Variants in HCN1 observed in about 807,000 individuals in gnomAD.
HCN1 encodes the protein hyperpolarization activated cyclic nucleotide gated potassium channel 1, also known as potassium/sodium hyperpolarization-activated cyclic nucleotide-gated channel 1.
HCN1 carries 13 observed loss-of-function variants against 78.9 expected under a neutral mutation model. The ratio of observed to expected loss-of-function variants is 0.16; its 90% CI spans 0.11 to 0.26. HCN1 has a LOEUF of 0.26. Ranked by LOEUF, HCN1 falls within the 10% of genes least tolerant of loss-of-function variation. HCN1 has a pLI of 1.00. For missense variants in HCN1, 810 were observed against 1,154.3 expected (o/e 0.70, Z 4.32); for synonymous variants, 552 against 455.5 (o/e 1.21, Z -2.70).
chr5:45,365,758 T>A (rs1747222581), intron 4 of HCN1, among the ~76,000 whole-genome samples: 1 of 151,856 alleles, frequency 6.6e-6, no homozygotes, highest in Admixed American at 6.6e-5. Context: ...TCTTTGAGAA[T>A]CTCCATATCG....
chr5:45,509,836 A>G (rs534991785), intron 2 of HCN1, among the ~76,000 whole-genome samples: 135 of 152,228 alleles, frequency 8.9e-4, no homozygotes, highest in African/African-American at 2.7e-3. Context: ...CAGGCCTCAC[A>G]TGGCCTCGTT....
At chr5:45,384,480 G>A (rs1431502790) in intron 4 of HCN1, among the ~76,000 whole-genome samples, 3 of 152,042 alleles carry the variant, frequency 2.0e-5, no homozygotes, top group African/African-American at 7.2e-5. Flanking sequence ...CAGCACTGCA[G>A]AACATAAATT....
At chr5:45,313,290 C>G (rs1393150962) in intron 5 of HCN1, among the ~76,000 whole-genome samples, 2 of 152,156 alleles carry the variant, frequency 1.3e-5, no homozygotes, top group East Asian at 3.9e-4. Flanking sequence ...CTCCAACAGA[C>G]ATGCAGCTGA....
chr5:45,353,354 A>G, intron 4 of HCN1, 108 bp from the exon 5 acceptor site: 2 of 825,958 alleles, frequency 2.4e-6, no homozygotes, highest in Admixed American at 4.5e-5. Flanking sequence ...TCAGTTACAA[A>G]AAAAAAGAAA....
chr5:45,601,889 T>C (rs1465891297), intron 2 of HCN1, among the ~76,000 whole-genome samples: 1 of 152,062 alleles, frequency 6.6e-6, no homozygotes, highest in Non-Finnish European at 1.5e-5. Flanking sequence ...CCCACCCAAA[T>C]CTCATCTTGA....
At chr5:45,586,465 C>A (rs552898855) in intron 2 of HCN1, among the ~76,000 whole-genome samples, 2 of 152,132 alleles carry the variant, frequency 1.3e-5, no homozygotes, top group Admixed American at 6.5e-5. Flanking sequence ...TGACCCCTTG[C>A]GCTTCCCGGG....
intron 2 of HCN1, among the ~76,000 whole-genome samples, chr5:45,635,236 T>C (rs1745335751): frequency 1.3e-5 from 2 of 152,092 alleles, no homozygotes; most frequent in Admixed American, 6.6e-5. Context: ...CCATTTATCA[T>C]TCACATTTTT....
At chr5:45,307,521 G>A (rs1454880154) in intron 5 of HCN1, among the ~76,000 whole-genome samples, 1 of 152,086 alleles carries the variant, frequency 6.6e-6, no homozygotes, top group Non-Finnish European at 1.5e-5. Context: ...GTAATCAGAA[G>A]AGCATTTTAC....
chr5:45,291,793 G>C (rs1044802021), intron 6 of HCN1, among the ~76,000 whole-genome samples: 1 of 152,006 alleles, frequency 6.6e-6, no homozygotes, highest in Non-Finnish European at 1.5e-5. Context: ...GTACCCCAAA[G>C]TGCCGGGAAT....
At chr5:45,499,219 C>T (rs941379527) in intron 2 of HCN1, among the ~76,000 whole-genome samples, 8 of 152,302 alleles carry the variant, frequency 5.3e-5, no homozygotes, top group African/African-American at 1.4e-4. Context: ...TATTGCTGTG[C>T]TAGTAATCAG....
intron 2 of HCN1, among the ~76,000 whole-genome samples, chr5:45,509,351 CT>C (rs1742364485): frequency 6.6e-6 from 1 of 152,002 alleles, no homozygotes; most frequent in African/African-American, 2.4e-5. Context: ...TCTTTATAAA[CT>C]TACACATTTA....
At chr5:45,437,724 G>A (rs911292565) in intron 3 of HCN1, among the ~76,000 whole-genome samples, 1 of 152,196 alleles carries the variant, frequency 6.6e-6, no homozygotes, top group Non-Finnish European at 1.5e-5. Context: ...ACAATGCCAG[G>A]TGCAACAATT....
chr5:45,562,290 G>C (rs140149046), intron 2 of HCN1, among the ~76,000 whole-genome samples: 1 of 152,154 alleles, frequency 6.6e-6, no homozygotes, highest in Admixed American at 6.6e-5. Context: ...ATTTACCAAA[G>C]TGTGTTTTCC....
intron 6 of HCN1, among the ~76,000 whole-genome samples, chr5:45,298,764 TG>T (rs1203681010): frequency 3.3e-5 from 5 of 152,010 alleles, no homozygotes; most frequent in Non-Finnish European, 5.9e-5. Context: ...TCCTTACTTG[TG>T]GGCTGTGCAT....
intron 2 of HCN1, among the ~76,000 whole-genome samples, chr5:45,578,644 T>C (rs1346512274): frequency 6.6e-6 from 1 of 151,988 alleles, no homozygotes; most frequent in East Asian, 1.9e-4. Flanking sequence ...TCTAAGTGCT[T>C]TACATTTACT....
rs746907457 is a variant in HCN1, at chr5:45,262,825, AAGAT to A, written c.1784-19_1784-16del. 3.1e-5 allele frequency: 50 copies of A among 1,612,862 alleles called. No homozygotes were observed. Among genetic ancestry groups the A allele is most frequent in the Non-Finnish European group, 3.8e-5 (45 of 1,179,988 alleles). ...ATTTTTCTTTCCTGTCAGCAAAAGA[AAGAT>A]AGGCACTTAGAAAGCCTACCAATGA... is the stretch of plus-strand genomic sequence containing the variant. On this transcript the variant is annotated splice_polypyrimidine_tract_variant and intron_variant, in intron 7 of 7. Transcript: ENST00000303230.
intron 4 of HCN1, among the ~76,000 whole-genome samples, chr5:45,374,334 A>ATT (rs1747549207): frequency 7.2e-6 from 1 of 139,316 alleles, no homozygotes; most frequent in Non-Finnish European, 1.5e-5. Context: ...CATTATATAC[A>ATT]TTATATATAT....
At chr5:45,436,473 A>T (rs550085097) in intron 3 of HCN1, among the ~76,000 whole-genome samples, 6 of 152,238 alleles carry the variant, frequency 3.9e-5, no homozygotes, top group Non-Finnish European at 8.8e-5. Flanking sequence ...GTCACTGTAC[A>T]GAGGTCACCA....
chr5:45,319,318 G>T (rs913940096), intron 5 of HCN1, among the ~76,000 whole-genome samples: 1 of 151,830 alleles, frequency 6.6e-6, no homozygotes, highest in Admixed American at 6.6e-5. Flanking sequence ...CCATCAACAG[G>T]TGATGTTTCA....
Sources: gnomAD v4.1 joint callset for allele counts (sites outside exome capture counted in the v4.1 genomes callset) on GRCh38, gnomAD v4.1.1 for gene constraint, MANE v1.5 for transcripts, NCBI Gene and HGNC (gene_info 2026-07-23, HGNC 2026-07-21) for gene names.